Variants in APOB observed in about 807,000 individuals in gnomAD.
The protein encoded by APOB is apolipoprotein B-100.
Under a neutral mutation model 314.1 loss-of-function variants are expected in APOB, and 153 were observed. That is an observed-to-expected ratio of 0.49 (90% CI 0.43 to 0.56). The LOEUF (loss-of-function observed/expected upper bound fraction) is 0.56. APOB is among the 20% of genes least tolerant of loss of function. The pLI, the probability that APOB is intolerant of heterozygous loss-of-function variation, is 0.00. For missense variants in APOB, 5,430 were observed against 5,350.7 expected, an observed-to-expected ratio of 1.01 and a Z score of -0.46; for synonymous variants, 2,087 against 2,036.4, an observed-to-expected ratio of 1.02 and a Z score of -0.67.
Position 21,009,723 on chromosome 2 carries a change from T to G in APOB, c.7145A>C (p.Gln2382Pro). 1 of 1,613,890 alleles carries G rather than the reference T, an allele frequency of 6.2e-7. No homozygotes were observed. Among genetic ancestry groups the G allele is most frequent in the Non-Finnish European group, 8.5e-7 (1 of 1,179,906 alleles). The change falls in exon 26 of 29, where the codon CAA becomes CCA. Residue 2382 changes from glutamine (Q) to proline (P), a missense_variant. By Grantham distance (76) the Gln-to-Pro change is moderately conservative. This residue lies in a region of APOB where 3,281 missense variants were observed against 3,171.0 expected (regional missense o/e 1.03). Coordinates refer to ENST00000233242, the MANE Select transcript of APOB (RefSeq NM_000384.3). The stretch of plus-strand genomic sequence containing the variant: ...AAAGTAATCTTTTATCTTAACTTGT[T>G]GTAGGACATTGCTTAGCTTCTGAAT... ...ETIQKLSNVL[Q>P]QVKIKDYFEK...
At chr2:21,042,526 A>G in intron 2 of APOB, 50 bp from the exon 3 acceptor site, 2 of 1,411,752 alleles carry the variant, frequency 1.4e-6, no homozygotes, top group Non-Finnish European at 2.0e-6. Flanking sequence ...AGCTCTCCCA[A>G]GGACAGCCAA....
chr2:21,032,382 A>G lies in APOB; in HGVS notation c.1324T>C (p.Leu442=). The change falls in exon 10 of 29, where the codon TTG becomes CTG. Residue 442 remains leucine, a synonymous_variant. Coordinates refer to ENST00000233242, the MANE Select transcript of APOB (RefSeq NM_000384.3). ...MARDQRSRAT[L]YALSHAVNNY... ...TTGACCGCGTGGCTCAGCGCATACAAGGTGGCTCGGCTGCGCTGATCCCTC... is the reference window on the plus strand; with the variant it reads ...TTGACCGCGTGGCTCAGCGCATACAGGGTGGCTCGGCTGCGCTGATCCCTC... 2 of 1,613,910 alleles carry G rather than the reference A, an allele frequency of 1.2e-6. No individual in the cohort carries two copies. Among genetic ancestry groups the G allele is most frequent in the Middle Eastern group, 1.7e-4 (1 of 6,050 alleles).
chr2:21,008,827 T>C lies in APOB; in HGVS notation c.8041A>G (p.Asn2681Asp). 6.2e-7 allele frequency: 1 copy of C among 1,614,096 alleles called. No individual in the cohort carries two copies. The highest frequency in any genetic ancestry group is 8.5e-7 in the Non-Finnish European group (1 of 1,179,948). The change falls in exon 26 of 29, where the codon AAC becomes GAC. Residue 2681 changes from asparagine to aspartate, a missense_variant. Transcript: ENST00000233242. Reference sequence around the variant, plus strand: ...GGAACGGGCCACTGCAGCTCACTGTTCAGCATCTGGTCAATGGTTCTGATG... The same window carrying C: ...GGAACGGGCCACTGCAGCTCACTGTCCAGCATCTGGTCAATGGTTCTGATG... Reference protein sequence around the residue: ...KIIRTIDQMLNSELQWPVPDI... With the variant: ...KIIRTIDQMLDSELQWPVPDI...
rs542107305 is a variant in APOB at position 21,026,829 on chromosome 2, C to T, written c.2203G>A (p.Val735Met). 9.9e-6 allele frequency: 16 copies of T among 1,614,154 alleles called. No homozygotes were observed. The South Asian group carries it at 1.6e-4, about 17-fold the overall frequency. The change falls in exon 15 of 29, where the codon GTG becomes ATG. Residue 735 changes from valine (V) to methionine (M), a missense_variant. Physicochemically the swap from Val to Met is conservative, Grantham distance 21. Around this residue, in one of 3 missense-constraint regions of APOB, gnomAD observed 2,085 missense variants for 2,079.7 expected, o/e 1.00. Coordinates refer to ENST00000233242, the MANE Select transcript of APOB (RefSeq NM_000384.3). ...TCTTTGGTATAGCCAAAGTGGTCCA[C>T]TAAGACCTTAGAGACACCATCAGGA... ...QVPDGVSKVL[V>M]DHFGYTKDDK...
chr2:21,003,446 T>A, intron 28 of APOB, 112 bp from the exon 29 acceptor site: 1 of 945,070 alleles, frequency 1.1e-6, no homozygotes, highest in Non-Finnish European at 1.7e-6. Context: ...ATCTTTCATA[T>A]ACTGAAAGGG....
chr2:21,009,168 T>G lies in APOB; in HGVS notation c.7700A>C (p.Gln2567Pro), dbSNP rs753847126. 1 of 1,614,100 alleles carries G rather than the reference T, an allele frequency of 6.2e-7. No homozygotes were observed. Among genetic ancestry groups the G allele is most frequent in the Non-Finnish European group, 8.5e-7 (1 of 1,179,978 alleles). The change falls in exon 26 of 29, where the codon CAA becomes CCA. Residue 2567 changes from glutamine to proline, a missense_variant. Around this residue, in one of 3 missense-constraint regions of APOB, gnomAD observed 3,281 missense variants for 3,171.0 expected, o/e 1.03. Coordinates refer to ENST00000233242, the MANE Select transcript of APOB (RefSeq NM_000384.3). ...TTTAGCCCAATCTTGGATAGAATATTGCTCTGCAAAGTCAGTAAGGTTCTT... is the reference window on the plus strand; with the variant it reads ...TTTAGCCCAATCTTGGATAGAATATGGCTCTGCAAAGTCAGTAAGGTTCTT... ...AAKNLTDFAEQYSIQDWAKRM... is the reference protein window; with the variant it reads ...AAKNLTDFAEPYSIQDWAKRM...
chr2:21,022,942 T>C lies in APOB; in HGVS notation c.2705A>G (p.Asn902Ser). ...ACCCGACTCGTGGAAGAAGTTGGTG[T>C]TCATCTGGACCCCACTCCTAGCGAA... ...PDFARSGVQM[N>S]TNFFHESGLE... The change falls in exon 18 of 29, where the codon AAC (asparagine) becomes AGC (serine). Residue 902 changes from asparagine (N) to serine (S), a missense_variant. Asn to Ser is a conservative substitution (Grantham distance 46). Coordinates refer to ENST00000233242, the MANE Select transcript of APOB (RefSeq NM_000384.3). The C allele has an allele frequency of 6.2e-7, 1 of 1,614,202 alleles. No homozygotes were observed. Among genetic ancestry groups the C allele is most frequent in the East Asian group, 2.2e-5 (1 of 44,892 alleles).
Position 21,043,891 on chromosome 2 carries a change from G to GCAGCAGCGCAGGCAGCGC in APOB, c.37_54dup (p.Ala13_Leu18dup). On this transcript the variant is annotated inframe_insertion, in exon 1 of 29. Coordinates refer to ENST00000233242, the MANE Select transcript of APOB (RefSeq NM_000384.3). ...GCCCTGGCGCCCGCCAGCAGCAGCA[G>GCAGCAGCGCAGGCAGCGC]CAGCAGCGCAGGCAGCGCCAGCAGC... is the stretch of plus-strand genomic sequence containing the variant. 3 of 1,467,538 alleles carry GCAGCAGCGCAGGCAGCGC rather than the reference G, an allele frequency of 2.0e-6. No individual in the cohort carries two copies. Among genetic ancestry groups the GCAGCAGCGCAGGCAGCGC allele is most frequent in the Non-Finnish European group, 2.7e-6 (3 of 1,115,642 alleles). The allele number at this position is 1,467,538 out of a possible 1,614,324, so 90.9% of individuals were successfully genotyped here.
chr2:21,037,012 A>C, intron 6 of APOB, 88 bp downstream of exon 6: 1 of 1,548,668 alleles, frequency 6.5e-7, no homozygotes, highest in Non-Finnish European at 8.8e-7. Flanking sequence ...GGCTGTCCTC[A>C]AAGGTGCCCA....
intron 9 of APOB, 133 bp from the exon 10 acceptor site, chr2:21,032,714 C>T: frequency 1.3e-6 from 1 of 740,924 alleles, no homozygotes; most frequent in African/African-American, 1.7e-5. Context: ...CAAAACCCAA[C>T]TTGGAGCTCA....
chr2:21,008,223 G>T lies in APOB; in HGVS notation c.8645C>A (p.Thr2882Asn). 1 of 1,614,022 alleles carries T rather than the reference G, an allele frequency of 6.2e-7. No individual in the cohort carries two copies. Among genetic ancestry groups the T allele is most frequent in the Non-Finnish European group, 8.5e-7 (1 of 1,179,962 alleles). Residue 2882 changes from threonine (T) to asparagine (N), a missense_variant, in exon 26 of 29, where the codon ACC becomes AAC. Thr to Asn is a moderately conservative substitution (Grantham distance 65). Coordinates refer to ENST00000233242, the MANE Select transcript of APOB (RefSeq NM_000384.3). ...GVIVKINNQL[T>N]LDSNTKYFHK... is the part of the protein sequence containing the mutation. ...GAAGTATTTAGTGTTGCTATCCAGG[G>T]TAAGCTGATTGTTTATCTTGACAAT...
intron 10 of APOB, among the ~76,000 whole-genome samples, chr2:21,031,005 G>A (rs1214894645): frequency 2.0e-5 from 3 of 152,220 alleles, no homozygotes; most frequent in African/African-American, 7.2e-5. Flanking sequence ...CTGTTGATGG[G>A]ATTGTAAATA....
rs1664207561 is a variant in APOB at position 21,044,005 on chromosome 2, C to T, written c.-60G>A. The T allele has an allele frequency of 3.2e-6, 3 of 938,332 alleles. No homozygotes were observed. Among genetic ancestry groups the T allele is most frequent in the Non-Finnish European group, 2.8e-6 (2 of 727,208 alleles). 58.1% of individuals were successfully genotyped at this position (938,332 alleles called of 1,614,324 possible). A position where few individuals can be genotyped will look rare whatever the true frequency, so the allele number is the denominator to read the frequency against. On this transcript the variant is annotated 5_prime_UTR_variant, in exon 1 of 29. Transcript: ENST00000233242. ...CCTGGCCTCGGCCTCGCGGCCCTGG[C>T]TGGCTGGGCGGGCTCCTCAGCGGCA...
Position 21,025,082 on chromosome 2 carries a change from T to C in APOB, c.2287A>G (p.Lys763Glu), listed in dbSNP as rs1398175728. 6.2e-7 allele frequency: 1 copy of C among 1,614,108 alleles called. No individual in the cohort carries two copies. The highest frequency in any genetic ancestry group is 1.3e-5 in the African/African-American group (1 of 74,942). Residue 763 changes from lysine (K) to glutamate (E), a missense_variant, in exon 16 of 29, where the codon AAA becomes GAA. Physicochemically the swap from Lys to Glu is moderately conservative, Grantham distance 56. Coordinates refer to ENST00000233242, the MANE Select transcript of APOB (RefSeq NM_000384.3). ...GGGACTTCTTTGGATTTCAAATCTT[T>C]AATCAGCTTCTCAACACTGAGCATT... ...GIMLSVEKLI[K>E]DLKSKEVPEA...
At chr2:21,027,037 T>C in intron 14 of APOB, 73 bp from the exon 15 acceptor site, 1 of 1,351,692 alleles carries the variant, frequency 7.4e-7, no homozygotes, top group Non-Finnish European at 1.1e-6. Flanking sequence ...GTCCCCACTC[T>C]TGATGTCCAT....
chr2:21,020,385 A>C (rs1034959551), intron 18 of APOB, among the ~76,000 whole-genome samples: 1 of 151,918 alleles, frequency 6.6e-6, no homozygotes, highest in African/African-American at 2.4e-5. Flanking sequence ...TTGCTTTCTC[A>C]TCTTCCTCAC....
Position 21,005,517 on chromosome 2 carries a change from G to A in APOB, c.11351C>T (p.Pro3784Leu). ...LRTSSFALNL[P>L]TLPEVKFPEV... ...AGGGAATTTTACCTCGGGGAGTGTT[G>A]GTAGGTTGAGGGCAAATGATGAAGT... The change falls in exon 26 of 29, where the codon CCA (proline) becomes CTA (leucine). Residue 3784 changes from proline to leucine, a missense_variant. This residue lies in a region of APOB where 3,281 missense variants were observed against 3,171.0 expected (regional missense o/e 1.03). Transcript: ENST00000233242. 6.2e-7 allele frequency: 1 copy of A among 1,613,960 alleles called. No individual in the cohort carries two copies. Among genetic ancestry groups the A allele is most frequent in the Non-Finnish European group, 8.5e-7 (1 of 1,179,934 alleles).
chr2:21,019,074 C>T lies in APOB; in HGVS notation c.3039G>A (p.Gln1013=). 2 of 1,614,036 alleles carry T rather than the reference C, an allele frequency of 1.2e-6. No homozygotes were observed. The highest frequency in any genetic ancestry group is 1.7e-6 in the Non-Finnish European group (2 of 1,179,982). ...LELRPTGEIE[Q]YSVSATYELQ... The stretch of plus-strand genomic sequence containing the variant: ...GCTCATAGGTTGCGCTGACAGAATA[C>T]TGCTCAATCTCTCCTGTAGGCCTCA... The change falls in exon 20 of 29, where the codon CAG becomes CAA. Residue 1013 remains glutamine (Q), a synonymous_variant. Transcript: ENST00000233242.
At chr2:21,021,510 G>C (rs1443013076) in intron 18 of APOB, among the ~76,000 whole-genome samples, 1 of 152,028 alleles carries the variant, frequency 6.6e-6, no homozygotes, top group African/African-American at 2.4e-5. Context: ...TTCAACTCCT[G>C]TGCCTTCAAA....
Sources: allele counts gnomAD v4.1 joint callset (sites outside exome capture counted in the v4.1 genomes callset), GRCh38; gene constraint gnomAD v4.1.1; regional missense constraint gnomAD v4.1.1; transcripts MANE v1.5; gene names NCBI Gene and HGNC (gene_info 2026-07-23, HGNC 2026-07-21).